LAMA2: variants seen among roughly 807,000 people sequenced by gnomAD.
The protein encoded by LAMA2 is laminin subunit alpha 2.
Under a neutral mutation model 364.8 loss-of-function variants are expected in LAMA2, and 269 were observed. The observed-to-expected ratio is 0.74, with a 90% CI of 0.67 to 0.82. LAMA2 has a LOEUF of 0.82. Ranked by LOEUF, LAMA2 falls within the 40% of genes least tolerant of loss-of-function variation. The pLI is 0.00. For missense variants in LAMA2, 3,807 were observed against 3,873.2 expected (o/e 0.98, Z 0.45); for synonymous variants, 1,379 against 1,370.6 (o/e 1.01, Z -0.14).
chr6:129,217,192 A>T lies in LAMA2; in HGVS notation c.1782+24339A>T, dbSNP rs963023076. On this transcript the variant is annotated intron_variant, in intron 12 of 64. Transcript: ENST00000421865. ...GACAGAGCGAGACTCCATCTCAAAA[A>T]AAAAATAATAATAATAATAAGGGTA... 3.3e-5 allele frequency among the ~76,000 whole-genome samples: 5 copies of T among 151,700 alleles called. No individual in the cohort carries two copies. The East Asian group carries it at 9.7e-4, about 29-fold the overall frequency.
intron 4 of LAMA2, among the ~76,000 whole-genome samples, chr6:129,121,395 T>C (rs1776798897): frequency 6.6e-6 from 1 of 152,228 alleles, no homozygotes; most frequent in Admixed American, 6.5e-5. Flanking sequence ...TTGTTTACCA[T>C]TGCATTTTTA....
chr6:129,428,167 C>T (rs1247091487), intron 41 of LAMA2, among the ~76,000 whole-genome samples: 3 of 152,312 alleles, frequency 2.0e-5, no homozygotes, highest in African/African-American at 7.2e-5. Flanking sequence ...TAGTGGCTCA[C>T]ACCTGTGATT....
At chr6:128,981,519 G>A (rs1782872487) in intron 1 of LAMA2, among the ~76,000 whole-genome samples, 1 of 147,430 alleles carries the variant, frequency 6.8e-6, no homozygotes, top group African/African-American at 2.5e-5. Flanking sequence ...AAGGCCAGCA[G>A]ATCACTTGAG....
chr6:128,924,066 A>C (rs17779657), intron 1 of LAMA2, among the ~76,000 whole-genome samples: 17,736 of 151,968 alleles, frequency 0.12, 1,213 homozygotes, highest in African/African-American at 0.19. Flanking sequence ...TTTGAGAGCT[A>C]CTATCTCTGC....
At chr6:129,201,246 G>C (rs1420591788) in intron 12 of LAMA2, among the ~76,000 whole-genome samples, 1 of 152,134 alleles carries the variant, frequency 6.6e-6, no homozygotes, top group Non-Finnish European at 1.5e-5. Flanking sequence ...GCCAAACACA[G>C]CCTGGCCTTG....
chr6:129,242,564 T>C (rs1785465020), intron 12 of LAMA2, among the ~76,000 whole-genome samples: 2 of 152,156 alleles, frequency 1.3e-5, no homozygotes, highest in Admixed American at 1.3e-4. Flanking sequence ...TATAAAACTA[T>C]AACTTATGGT....
At chr6:129,296,171 T>C (rs568478833) in intron 20 of LAMA2, among the ~76,000 whole-genome samples, 3 of 152,136 alleles carry the variant, frequency 2.0e-5, no homozygotes, top group African/African-American at 7.2e-5. Context: ...TTTATAACAT[T>C]GTACAGTTAA....
intron 3 of LAMA2, among the ~76,000 whole-genome samples, chr6:129,096,649 G>T (rs1775206281): frequency 6.6e-6 from 1 of 152,192 alleles, no homozygotes; most frequent in Non-Finnish European, 1.5e-5. Flanking sequence ...GCTATGCTGG[G>T]GTCAATCAGA....
intron 2 of LAMA2, among the ~76,000 whole-genome samples, chr6:129,051,177 C>T (rs1158298503): frequency 7.0e-6 from 1 of 142,644 alleles, no homozygotes; most frequent in Non-Finnish European, 1.5e-5. Context: ...TTACCTCTCT[C>T]TCTCTGTATA....
intron 15 of LAMA2, among the ~76,000 whole-genome samples, chr6:129,261,820 A>G (rs1216875490): frequency 2.0e-5 from 3 of 152,134 alleles, no homozygotes; most frequent in South Asian, 4.1e-4. Flanking sequence ...AAATAAAACT[A>G]GATATAACTT....
rs749883373 is a variant in LAMA2, at chr6:129,256,763, C to CAAATATATATAT, written c.2097-3947_2097-3946insAATATATATATA. ...TATATATAAAAAACAAATTATATAG[C>CAAATATATATAT]ATATATATATATATATATATATATA... On this transcript the variant is annotated intron_variant, in intron 14 of 64. Transcript: ENST00000421865. 4.9e-3 allele frequency among the ~76,000 whole-genome samples: 430 copies of CAAATATATATAT among 87,942 alleles called. 22 individuals are homozygous for CAAATATATATAT. The highest frequency in any genetic ancestry group is 0.012 in the African/African-American group (300 of 24,130). 57.7% of individuals were successfully genotyped at this position (87,942 alleles called of 152,430 possible).
intron 15 of LAMA2, among the ~76,000 whole-genome samples, chr6:129,262,498 G>A (rs938435819): frequency 6.6e-6 from 1 of 151,834 alleles, no homozygotes; most frequent in Non-Finnish European, 1.5e-5. Flanking sequence ...GAAAAAAAAA[G>A]GAGAGATAAT....
intron 58 of LAMA2, among the ~76,000 whole-genome samples, chr6:129,499,389 G>A (rs950927211): frequency 6.6e-6 from 1 of 152,072 alleles, no homozygotes; most frequent in Non-Finnish European, 1.5e-5. Context: ...GCTTAGAAAA[G>A]GATGATTCAT....
In LAMA2 at chr6:129,109,564, CAT is replaced by C. The variant is rs1481600042; in HGVS notation, c.639+11151_639+11152del. 2.6e-5 allele frequency among the ~76,000 whole-genome samples: 4 copies of C among 151,798 alleles called. No individual in the cohort carries two copies. In the East Asian group the frequency reaches 7.8e-4, roughly 29 times the overall value. On this transcript the variant is annotated intron_variant, in intron 4 of 64. Transcript: ENST00000421865. The stretch of plus-strand genomic sequence containing the variant: ...AACCAATAAAATTATATTTTTGGAA[CAT>C]AGTTAACCACTTTGTGCACATAAGT...
At chr6:128,997,090 C>T (rs761184090) in intron 1 of LAMA2, among the ~76,000 whole-genome samples, 1 of 145,808 alleles carries the variant, frequency 6.9e-6, no homozygotes, top group South Asian at 2.3e-4. Context: ...AACATATGGA[C>T]GGACACAGGG....
chr6:129,412,657 T>G (rs1056491283), intron 40 of LAMA2, among the ~76,000 whole-genome samples: 5 of 152,168 alleles, frequency 3.3e-5, no homozygotes, highest in African/African-American at 1.2e-4. Flanking sequence ...CCTCAAGAAA[T>G]AACCCCTGAA....
intron 21 of LAMA2, among the ~76,000 whole-genome samples, chr6:129,299,175 T>C (rs1403176331): frequency 6.6e-6 from 1 of 151,788 alleles, no homozygotes; most frequent in East Asian, 1.9e-4. Flanking sequence ...GGAAGAATAG[T>C]AATATGACTG....
intron 1 of LAMA2, among the ~76,000 whole-genome samples, chr6:128,891,851 T>C (rs887649317): frequency 4.6e-5 from 7 of 152,066 alleles, no homozygotes; most frequent in Admixed American, 4.6e-4. Context: ...TACCTCTTTA[T>C]ACCTTTAGTT....
intron 12 of LAMA2, among the ~76,000 whole-genome samples, chr6:129,222,450 G>A (rs140189471): frequency 2.7e-4 from 41 of 151,200 alleles, no homozygotes; most frequent in African/African-American, 9.5e-4. Context: ...CCATTAACTC[G>A]TTATTTACGT....
Sources: gnomAD v4.1 joint callset for allele counts (sites outside exome capture counted in the v4.1 genomes callset) on GRCh38, gnomAD v4.1.1 for gene constraint, MANE v1.5 for transcripts, NCBI Gene and HGNC (gene_info 2026-07-23, HGNC 2026-07-21) for gene names.